Variants in CDYL2 observed in about 807,000 individuals in gnomAD.
CDYL2 encodes chromodomain Y-like protein 2.
In CDYL2, 23 loss-of-function variants were observed where a neutral mutation model predicts 49.4. The observed-to-expected ratio is 0.47, with a 90% CI of 0.34 to 0.66. CDYL2 has a LOEUF of 0.66. Among genes scored for constraint, CDYL2 ranks in the 30% least tolerant of loss-of-function variants. The pLI is 0.01. For synonymous variants in CDYL2, 360 were observed against 268.8 expected (o/e 1.34, Z -3.32); for missense variants, 678 against 656.4 (o/e 1.03, Z -0.36).
intron 1 of CDYL2, among the ~76,000 whole-genome samples, chr16:80,778,674 A>G (rs926178839): frequency 6.6e-6 from 1 of 152,042 alleles, no homozygotes; most frequent in Non-Finnish European, 1.5e-5. Flanking sequence ...GTTTAGTACA[A>G]TTAAAAGAAG....
intron 2 of CDYL2, among the ~76,000 whole-genome samples, chr16:80,637,978 A>G (rs1312666911): frequency 6.6e-6 from 1 of 152,252 alleles, no homozygotes; most frequent in African/African-American, 2.4e-5. Flanking sequence ...CTAACAAAAT[A>G]TGTATAAGAG....
chr16:80,744,967 A>G (rs1905874775), intron 1 of CDYL2, among the ~76,000 whole-genome samples: 1 of 152,160 alleles, frequency 6.6e-6, no homozygotes, highest in South Asian at 2.1e-4. Context: ...ACAGAAACCT[A>G]AGGGTCTCTC....
At chr16:80,690,300 G>C (rs114999178) in intron 1 of CDYL2, among the ~76,000 whole-genome samples, 1 of 152,024 alleles carries the variant, frequency 6.6e-6, no homozygotes. Context: ...AGCCTGTAGA[G>C]ATGAGAAGGA....
At chr16:80,604,899 T>C (rs1169010020) in intron 6 of CDYL2, among the ~76,000 whole-genome samples, 1 of 152,238 alleles carries the variant, frequency 6.6e-6, no homozygotes, top group Non-Finnish European at 1.5e-5. Flanking sequence ...TTCATTTTCA[T>C]GATCTGTTGG....
At chr16:80,766,386 A>C (rs16953974) in intron 1 of CDYL2, among the ~76,000 whole-genome samples, 14,919 of 152,216 alleles carry the variant, frequency 0.098, 809 homozygotes, top group African/African-American at 0.14. Context: ...TTGAAATGAT[A>C]ATCCATTTTT....
In CDYL2 at chr16:80,655,908, G is replaced by C. The variant is rs923195602; in HGVS notation, c.617-22672C>G. Among the ~76,000 whole-genome samples the C allele has an allele frequency of 4.6e-5, 7 of 152,174 alleles. 1 individual carries two copies. The highest frequency in any genetic ancestry group is 3.3e-4 in the Admixed American group (5 of 15,288). Reference sequence around the variant, plus strand: ...CATGCTTCCCGAGTGACAGCAACAAGCTGGCAGGGAAGACGCTGTGAGAAA... The same window carrying C: ...CATGCTTCCCGAGTGACAGCAACAACCTGGCAGGGAAGACGCTGTGAGAAA... On this transcript the variant is annotated intron_variant, in intron 2 of 6. Coordinates refer to ENST00000570137, the MANE Select transcript of CDYL2 (RefSeq NM_152342.4).
intron 1 of CDYL2, among the ~76,000 whole-genome samples, chr16:80,715,320 T>C (rs1026340858): frequency 2.0e-5 from 3 of 152,084 alleles, no homozygotes; most frequent in African/African-American, 7.2e-5. Context: ...GATCCCACCA[T>C]AGTCAACAAT....
intron 2 of CDYL2, among the ~76,000 whole-genome samples, chr16:80,664,466 C>G (rs1054737809): frequency 1.3e-5 from 2 of 152,198 alleles, no homozygotes; most frequent in East Asian, 3.9e-4. Context: ...CAGCAGGTCA[C>G]TGGGGACCAG....
chr16:80,802,545 T>A (rs1008896775), intron 1 of CDYL2, among the ~76,000 whole-genome samples: 28 of 152,290 alleles, frequency 1.8e-4, no homozygotes, highest in Middle Eastern at 3.4e-3. Flanking sequence ...AAGATCTCTA[T>A]CCAACTTCAC....
At chr16:80,739,321 G>A (rs1307216565) in intron 1 of CDYL2, among the ~76,000 whole-genome samples, 2 of 152,094 alleles carry the variant, frequency 1.3e-5, no homozygotes. Context: ...GAGTTCTGTG[G>A]GTGGACAGTG....
intron 1 of CDYL2, among the ~76,000 whole-genome samples, chr16:80,782,605 C>T (rs1054890220): frequency 7.1e-6 from 1 of 140,418 alleles, no homozygotes; most frequent in Non-Finnish European, 1.5e-5. Flanking sequence ...CAACAAAATA[C>T]TAGGAAACCA....
chr16:80,612,112 C>G lies in CDYL2; in HGVS notation c.1218+514G>C, dbSNP rs537473929. On this transcript the variant is annotated intron_variant, in intron 5 of 6. Transcript: ENST00000570137. The surrounding 1 kb of genome is among the most constrained non-coding windows in gnomAD (Gnocchi z 5.0). ...ATGTGACCAGAAGCTGAGTCATGGC[C>G]AATACCACATGAGTGGAGGGGAAGA... is the stretch of plus-strand genomic sequence containing the variant. 6.6e-6 allele frequency among the ~76,000 whole-genome samples: 1 copy of G among 152,340 alleles called. No homozygotes were observed. The highest frequency in any genetic ancestry group is 1.5e-5 in the Non-Finnish European group (1 of 68,024).
In CDYL2 at chr16:80,756,073, A is replaced by G. The variant is rs140225878; in HGVS notation, c.24+48077T>C. Among the ~76,000 whole-genome samples, 824 of 152,334 alleles carry G rather than the reference A, an allele frequency of 5.4e-3. 13 individuals are homozygous for G. The highest frequency in any genetic ancestry group is 0.036 in the South Asian group (176 of 4,830). ...AATTCATAATAGTGATATGGCCAAA[A>G]CTACAATCATAAGAAAATTATTAAA... is the stretch of plus-strand genomic sequence containing the variant. On this transcript the variant is annotated intron_variant, in intron 1 of 6. Transcript: ENST00000570137.
At chr16:80,673,032 G>C (rs1197684029) in intron 2 of CDYL2, among the ~76,000 whole-genome samples, 2 of 152,128 alleles carry the variant, frequency 1.3e-5, no homozygotes, top group African/African-American at 4.8e-5. Flanking sequence ...AAATCAACAA[G>C]GGAGGCCGGG....
intron 2 of CDYL2, among the ~76,000 whole-genome samples, chr16:80,672,352 C>CACACAGAGAGAGAGAG (rs68130206): frequency 1.7e-5 from 2 of 117,772 alleles, no homozygotes; most frequent in Admixed American, 9.7e-5. Context: ...CACACACACA[C>CACACAGAGAGAGAGAG]AGAGAGAGAG....
At chr16:80,637,795 G>C (rs1314116115) in intron 2 of CDYL2, among the ~76,000 whole-genome samples, 1 of 152,190 alleles carries the variant, frequency 6.6e-6, no homozygotes, top group Admixed American at 6.5e-5. Flanking sequence ...TGTTTGAGGT[G>C]ATGGATATCT....
chr16:80,607,783 C>T (rs1906407914), intron 6 of CDYL2, among the ~76,000 whole-genome samples: 1 of 152,166 alleles, frequency 6.6e-6, no homozygotes, highest in South Asian at 2.1e-4. Flanking sequence ...TCTTTGAAAG[C>T]TATAGATGTT....
At chr16:80,800,502 C>T (rs1418106777) in intron 1 of CDYL2, among the ~76,000 whole-genome samples, 1 of 151,996 alleles carries the variant, frequency 6.6e-6, no homozygotes, top group Non-Finnish European at 1.5e-5. Context: ...ATGCCAGGTG[C>T]AGATAGAGTC....
intron 1 of CDYL2, among the ~76,000 whole-genome samples, chr16:80,730,135 A>C (rs1175436974): frequency 6.6e-6 from 1 of 152,154 alleles, no homozygotes; most frequent in African/African-American, 2.4e-5. Flanking sequence ...GACACAAAAA[A>C]CCCTTCAAAA....
Sources: gnomAD v4.1 joint callset for allele counts (sites outside exome capture counted in the v4.1 genomes callset) on GRCh38, gnomAD v4.1.1 for gene constraint, Gnocchi (gnomAD v3.1) non-coding constraint, MANE v1.5 for transcripts, NCBI Gene and HGNC (gene_info 2026-07-23, HGNC 2026-07-21) for gene names.